Variants in PFKL observed in about 807,000 individuals in gnomAD.
PFKL encodes the protein phosphofructokinase, liver type, also known as ATP-dependent 6-phosphofructokinase, liver type.
PFKL carries 74 observed loss-of-function variants against 92.1 expected under a neutral mutation model. The ratio of observed to expected loss-of-function variants is 0.80; its 90% CI spans 0.67 to 0.97. The LOEUF is 0.97. Ranked by LOEUF, PFKL falls within the 50% of genes least tolerant of loss-of-function variation. The pLI, the probability that PFKL is intolerant of heterozygous loss-of-function variation, is 0.00. For missense variants in PFKL, 1,028 were observed against 1,116.6 expected, an observed-to-expected ratio of 0.92 and a Z score of 1.13; for synonymous variants, 494 against 456.4, an observed-to-expected ratio of 1.08 and a Z score of -1.05.
rs1568973364 is a variant in PFKL, at chr21:44,325,200, T to A, written c.1925T>A (p.Leu642Gln). 6.2e-7 allele frequency: 1 copy of A among 1,613,168 alleles called. No individual in the cohort carries two copies. Among genetic ancestry groups the A allele is most frequent in the Non-Finnish European group, 8.5e-7 (1 of 1,179,754 alleles). ...DYYTTEFLYN[L>Q]YSSEGKGVFD... Reference sequence around the variant, plus strand: ...TACACCACGGAGTTCCTGTACAACCTGTACTCATCAGAGGGCAAGGGCGTC... The same window carrying A: ...TACACCACGGAGTTCCTGTACAACCAGTACTCATCAGAGGGCAAGGGCGTC... The change falls in exon 19 of 22, where the codon CTG becomes CAG. Residue 642 changes from leucine (L) to glutamine (Q), a missense_variant. Coordinates refer to ENST00000349048, the MANE Select transcript of PFKL (RefSeq NM_002626.6).
At chr21:44,304,970 C>T (rs56168965) in intron 1 of PFKL, among the ~76,000 whole-genome samples, 3 of 151,966 alleles carry the variant, frequency 2.0e-5, no homozygotes, top group African/African-American at 4.8e-5. Flanking sequence ...GCTCCCTGCA[C>T]GCTCTGTGCT....
chr21:44,314,374 A>C (rs1344396323), intron 7 of PFKL: 1 of 271,876 alleles, frequency 3.7e-6, no homozygotes, highest in Non-Finnish European at 7.0e-6. Context: ...GAGTGGCCCC[A>C]GCAAGGTCCA....
intron 1 of PFKL, among the ~76,000 whole-genome samples, chr21:44,300,420 C>T (rs981246292): frequency 4.5e-4 from 68 of 152,100 alleles, no homozygotes; most frequent in Non-Finnish European, 7.4e-4. Flanking sequence ...TGGGTCTTGG[C>T]GCCGCCCGCG....
chr21:44,322,221 G>T lies in PFKL; in HGVS notation c.1409+18G>T, dbSNP rs1314846730. The T allele has an allele frequency of 6.3e-7, 1 of 1,593,622 alleles. No homozygotes were observed. Among genetic ancestry groups the T allele is most frequent in the African/African-American group, 1.3e-5 (1 of 74,786 alleles). ...ACCAAGAGGTGAGCTGCCTGCTGCG[G>T]GTACCTGGGGGCAGGAGGGCCAGGG... On this transcript the variant is annotated intron_variant, in intron 14 of 21. Coordinates refer to ENST00000349048, the MANE Select transcript of PFKL (RefSeq NM_002626.6).
At position 44,325,100 on chromosome 21, in the gene PFKL, G is replaced by C. The variant is rs1020518596; in HGVS notation, c.1878-53G>C. ...CCTGGCCCAGCGGGGACTCAGGATC[G>C]GGGGGAGACCTGAACTCGTTCCCGC... On this transcript the variant is annotated intron_variant, in intron 18 of 21. Coordinates refer to ENST00000349048, the MANE Select transcript of PFKL (RefSeq NM_002626.6). 3.2e-5 allele frequency: 44 copies of C among 1,355,858 alleles called. No homozygotes were observed. In the East Asian group the frequency reaches 3.7e-4, roughly 11 times the overall value. The allele number at this position is 1,355,858 out of a possible 1,614,324, so 84.0% of individuals were successfully genotyped here.
intron 19 of PFKL, 156 bp from the exon 20 acceptor site, chr21:44,325,805 C>G: frequency 1.6e-6 from 1 of 610,804 alleles, no homozygotes; most frequent in Non-Finnish European, 2.9e-6. Flanking sequence ...GCAGGGTCCT[C>G]GATCGGGAAC....
intron 9 of PFKL, 130 bp from the exon 10 acceptor site, chr21:44,318,340 C>A: frequency 1.0e-6 from 1 of 999,750 alleles, no homozygotes; most frequent in Non-Finnish European, 1.4e-6. Context: ...TCTCTGATGC[C>A]ACCTGTTCTG....
chr21:44,318,912 A>G (rs1211993635), intron 10 of PFKL, among the ~76,000 whole-genome samples: 3 of 151,984 alleles, frequency 2.0e-5, no homozygotes, highest in Non-Finnish European at 4.4e-5. Flanking sequence ...GGGACGGAGG[A>G]GGAGGGGCCA....
intron 1 of PFKL, among the ~76,000 whole-genome samples, chr21:44,303,399 A>C (rs2040828930): frequency 7.5e-6 from 1 of 133,370 alleles, no homozygotes; most frequent in Admixed American, 8.1e-5. Context: ...TGACAGAACG[A>C]GACTCTGTCT....
intron 10 of PFKL, 98 bp from the exon 11 acceptor site, chr21:44,319,253 G>T (rs143929363): frequency 1.9e-6 from 2 of 1,042,976 alleles, no homozygotes; most frequent in South Asian, 2.6e-5. Flanking sequence ...AGGAGATGCC[G>T]GCCAGATCTG....
chr21:44,307,588 C>T (rs2040989321), intron 2 of PFKL, among the ~76,000 whole-genome samples: 1 of 152,254 alleles, frequency 6.6e-6, no homozygotes. Context: ...CTGCTGACCA[C>T]TCACCGCCCT....
intron 2 of PFKL, among the ~76,000 whole-genome samples, chr21:44,308,064 G>C (rs9975069): frequency 0.025 from 3,795 of 152,306 alleles, 167 homozygotes; most frequent in African/African-American, 0.087. Context: ...AAGCCGAGGG[G>C]TACAGGGACG....
intron 1 of PFKL, chr21:44,304,413 T>C (rs1021503983): frequency 2.5e-5 from 31 of 1,242,010 alleles, no homozygotes; most frequent in Non-Finnish European, 3.1e-5. Flanking sequence ...GGTGCGCTGC[T>C]CCTGCCCTCT....
intron 3 of PFKL, 57 bp from the exon 4 acceptor site, chr21:44,312,048 C>T: frequency 3.7e-6 from 5 of 1,338,986 alleles, no homozygotes; most frequent in Non-Finnish European, 3.9e-6. Flanking sequence ...CTGGTGATCC[C>T]CAGGGGCTGT....
chr21:44,307,424 C>A, intron 2 of PFKL: 1 of 487,192 alleles, frequency 2.1e-6, no homozygotes, highest in Non-Finnish European at 2.7e-6. Context: ...GCATTCTTGC[C>A]TTGTCAGGTG....
chr21:44,311,858 C>T lies in PFKL; in HGVS notation c.238-247C>T, dbSNP rs150999197. ...GTGCTTTCCAGTCTCCAAAGCCTTCCACTCTATTACCTTGGGGCTTCCCAA... is the reference window on the plus strand; with the variant it reads ...GTGCTTTCCAGTCTCCAAAGCCTTCTACTCTATTACCTTGGGGCTTCCCAA... On this transcript the variant is annotated intron_variant, in intron 3 of 21. Transcript: ENST00000349048. 2.0e-5 allele frequency among the ~76,000 whole-genome samples: 3 copies of T among 152,310 alleles called. No homozygotes were observed. In the East Asian group the frequency reaches 5.8e-4, roughly 29 times the overall value.
rs941045831 is a variant in PFKL at position 44,310,223 on chromosome 21, G to A, written c.160-783G>A. Among the ~76,000 whole-genome samples, 3 of 152,252 alleles carry A rather than the reference G, an allele frequency of 2.0e-5. 1 individual carries two copies. The highest frequency in any genetic ancestry group is 4.4e-5 in the Non-Finnish European group (3 of 68,044). ...CTCAAACAACAAGAAAGGGCTGGCC[G>A]TGCAGTAGGAAACGGGCACGTGGCA... is the stretch of plus-strand genomic sequence containing the variant. On this transcript the variant is annotated intron_variant, in intron 2 of 21. Coordinates refer to ENST00000349048, the MANE Select transcript of PFKL (RefSeq NM_002626.6).
At chr21:44,319,874 C>T (rs961023366) in intron 11 of PFKL, 10 of 546,574 alleles carry the variant, frequency 1.8e-5, no homozygotes, top group African/African-American at 5.7e-5. Context: ...CTTTGCTGCA[C>T]GGGCTGGCGT....
chr21:44,311,147 C>A, intron 3 of PFKL, 64 bp downstream of exon 3: 1 of 1,260,766 alleles, frequency 7.9e-7, no homozygotes, highest in East Asian at 2.4e-5. Flanking sequence ...CAGAGACAGA[C>A]CTGCACACAC....
Sources: allele counts gnomAD v4.1 joint callset (sites outside exome capture counted in the v4.1 genomes callset), GRCh38; gene constraint gnomAD v4.1.1; transcripts MANE v1.5; gene names NCBI Gene and HGNC (gene_info 2026-07-23, HGNC 2026-07-21).